RBFOX1: variants seen among roughly 807,000 people sequenced by gnomAD.
RBFOX1 encodes RNA binding protein fox-1 homolog 1.
Under a neutral mutation model 57.7 loss-of-function variants are expected in RBFOX1, and 8 were observed. That is an observed-to-expected ratio of 0.14 (90% CI 0.08 to 0.25). The LOEUF (loss-of-function observed/expected upper bound fraction) is 0.25. Ranked by LOEUF, RBFOX1 falls within the 10% of genes least tolerant of loss-of-function variation. The pLI, the probability that RBFOX1 is intolerant of heterozygous loss-of-function variation, is 1.00. For missense variants in RBFOX1, 611 were observed against 548.5 expected (o/e 1.11, Z -1.14); for synonymous variants, 326 against 222.4 (o/e 1.47, Z -4.15).
At chr16:5,250,610 AAAAAAT>A (rs1166384444) in intron 1 of RBFOX1, among the ~76,000 whole-genome samples, 3 of 152,204 alleles carry the variant, frequency 2.0e-5, no homozygotes, top group Non-Finnish European at 4.4e-5. Context: ...AACCTTTTTA[AAAAAAT>A]AAAAATGGAA....
chr16:7,142,786 AAC>A (rs1464041432), intron 4 of RBFOX1, among the ~76,000 whole-genome samples: 2 of 152,180 alleles, frequency 1.3e-5, no homozygotes, highest in Non-Finnish European at 2.9e-5. Flanking sequence ...CACCGTTCTG[AAC>A]ACAGTGTTGC....
At chr16:6,113,938 A>G (rs149491740) in intron 1 of RBFOX1, among the ~76,000 whole-genome samples, 11 of 152,310 alleles carry the variant, frequency 7.2e-5, no homozygotes, top group African/African-American at 2.4e-4. Context: ...CTGATACTCT[A>G]GGGCTGGTAT....
chr16:5,727,086 C>G (rs1487173189), intron 3 of RBFOX1, among the ~76,000 whole-genome samples: 1 of 152,138 alleles, frequency 6.6e-6, no homozygotes, highest in Non-Finnish European at 1.5e-5. Context: ...TGGTAAAACC[C>G]TGTTTCTGCT....
rs191913378 is a variant in RBFOX1 at position 7,591,943 on chromosome 16, G to T, written c.469-3606G>T. ...CTGGCACCTGTGCATCGTGGCAAAG[G>T]TTCCCTGCTCATAGAGAGGACCAGG... On this transcript the variant is annotated intron_variant, in intron 7 of 15. Coordinates refer to ENST00000550418, the MANE Select transcript of RBFOX1 (RefSeq NM_018723.4). Among the ~76,000 whole-genome samples the T allele has an allele frequency of 1.0e-3, 153 of 152,238 alleles. 1 individual carries two copies. Among genetic ancestry groups the T allele is most frequent in the Admixed American group, 4.6e-3 (70 of 15,284 alleles).
chr16:7,655,936 T>C (rs1597408448), intron 12 of RBFOX1, among the ~76,000 whole-genome samples: 1 of 152,252 alleles, frequency 6.6e-6, no homozygotes, highest in African/African-American at 2.4e-5. Context: ...GGAATAACCA[T>C]GCATAACTAA....
chr16:7,212,653 C>T (rs535746870), intron 4 of RBFOX1, among the ~76,000 whole-genome samples: 20 of 152,138 alleles, frequency 1.3e-4, no homozygotes, highest in African/African-American at 4.6e-4. Flanking sequence ...GAGAAAATAG[C>T]CTCAATATTT....
chr16:6,897,890 A>G (rs1003763203), intron 3 of RBFOX1, among the ~76,000 whole-genome samples: 2 of 151,972 alleles, frequency 1.3e-5, no homozygotes, highest in Non-Finnish European at 2.9e-5. Context: ...TATATCCCCA[A>G]TTCCCTGGAG....
At chr16:6,390,011 GC>G (rs1473417968) in intron 2 of RBFOX1, among the ~76,000 whole-genome samples, 1 of 152,134 alleles carries the variant, frequency 6.6e-6, no homozygotes, top group African/African-American at 2.4e-5. Context: ...CTGTGTTTGG[GC>G]TAAATTGCTT....
At chr16:5,829,537 G>A (rs1198995869) in intron 3 of RBFOX1, among the ~76,000 whole-genome samples, 1 of 152,100 alleles carries the variant, frequency 6.6e-6, no homozygotes, top group Non-Finnish European at 1.5e-5. Context: ...GTGCTGTTCA[G>A]CTGCATATGA....
chr16:6,267,154 C>G (rs1039024677), intron 1 of RBFOX1, among the ~76,000 whole-genome samples: 2 of 152,044 alleles, frequency 1.3e-5, no homozygotes, highest in African/African-American at 4.8e-5. Context: ...TTATGGCAAA[C>G]TCTGGATCCC....
rs148333713 is a variant in RBFOX1 at position 6,176,937 on chromosome 16, C to T, written c.-126-140058C>T. On this transcript the variant is annotated intron_variant, in intron 1 of 15. Coordinates refer to ENST00000550418, the MANE Select transcript of RBFOX1 (RefSeq NM_018723.4). ...TTGTTTACTGTGACAACCCCAGTGC[C>T]TGGACATAGTGGTTCAACCTGTCTT... is the stretch of plus-strand genomic sequence containing the variant. 6.5e-4 allele frequency among the ~76,000 whole-genome samples: 99 copies of T among 152,234 alleles called. 1 individual carries two copies. The highest frequency in any genetic ancestry group is 2.3e-3 in the African/African-American group (96 of 41,542).
intron 5 of RBFOX1, among the ~76,000 whole-genome samples, chr16:7,541,686 C>T (rs775574030): frequency 2.6e-5 from 4 of 152,182 alleles, no homozygotes; most frequent in African/African-American, 4.8e-5. Flanking sequence ...AGAATTGGCC[C>T]ATTGGAATGG....
At chr16:7,021,960 C>G (rs1177374494) in intron 3 of RBFOX1, among the ~76,000 whole-genome samples, 2 of 107,796 alleles carry the variant, frequency 1.9e-5, no homozygotes, top group African/African-American at 7.5e-5. Flanking sequence ...TTCTTTCTCT[C>G]TCTCTCTCCC....
intron 2 of RBFOX1, among the ~76,000 whole-genome samples, chr16:6,362,393 T>G (rs181629345): frequency 1.4e-4 from 22 of 152,250 alleles, no homozygotes; most frequent in Middle Eastern, 3.4e-3. Context: ...TTGGGAAGTT[T>G]TCATAAAATT....
chr16:7,155,698 CAA>C lies in RBFOX1; in HGVS notation c.27+103614_27+103615del, dbSNP rs1204208973. Among the ~76,000 whole-genome samples the C allele has an allele frequency of 5.7e-4, 14 of 24,414 alleles. No homozygotes were observed. In the South Asian group the frequency reaches 6.2e-3, roughly 11 times the overall value. 16.0% of individuals were successfully genotyped at this position (24,414 alleles called of 152,430 possible). A position where few individuals can be genotyped will look rare whatever the true frequency, so the allele number is the denominator to read the frequency against. ...TTGCCTTCCTCCCTTCTCCTCCCAC[CAA>C]AAAAAAAAAAAAATATATATATATA... On this transcript the variant is annotated intron_variant, in intron 4 of 15. Coordinates refer to ENST00000550418, the MANE Select transcript of RBFOX1 (RefSeq NM_018723.4).
chr16:6,685,821 T>C (rs1049130459), intron 3 of RBFOX1, among the ~76,000 whole-genome samples: 2 of 152,202 alleles, frequency 1.3e-5, no homozygotes, highest in Non-Finnish European at 2.9e-5. Context: ...GTTTTCATTA[T>C]GTCATGAAAG....
chr16:7,587,330 T>A (rs778780786), intron 7 of RBFOX1, 30 bp downstream of exon 7: 1 of 1,497,232 alleles, frequency 6.7e-7, no homozygotes, highest in South Asian at 1.4e-5. Context: ...TTAGAATTGT[T>A]TAGTTTATTT....
chr16:5,651,916 T>C (rs1328397435), intron 3 of RBFOX1, among the ~76,000 whole-genome samples: 2 of 152,120 alleles, frequency 1.3e-5, no homozygotes, highest in African/African-American at 4.8e-5. Flanking sequence ...GAGGATCGCT[T>C]GAGGTCAGGA....
At chr16:6,695,371 G>A (rs1370619035) in intron 3 of RBFOX1, among the ~76,000 whole-genome samples, 1 of 138,828 alleles carries the variant, frequency 7.2e-6, no homozygotes, top group Non-Finnish European at 1.5e-5. Context: ...ACCTGAGATT[G>A]CGCCGCTTCA....
Sources: allele counts gnomAD v4.1 joint callset (sites outside exome capture counted in the v4.1 genomes callset), GRCh38; gene constraint gnomAD v4.1.1; transcripts MANE v1.5; gene names NCBI Gene and HGNC (gene_info 2026-07-23, HGNC 2026-07-21).